The following CFHR2 variants were observed in gnomAD, a reference collection of about 807,000 sequenced individuals.
CFHR2 encodes the protein complement factor H-related protein 2.
In CFHR2, 22 loss-of-function variants were observed where a neutral mutation model predicts 21.7. The observed-to-expected ratio is 1.01, with a 90% CI of 0.72 to 1.45. CFHR2 has a LOEUF of 1.45. CFHR2 is among the 40% of genes most tolerant of loss of function. The pLI, the probability that CFHR2 is intolerant of heterozygous loss-of-function variation, is 0.00. For missense variants in CFHR2, 294 were observed against 293.3 expected (o/e 1.00, Z -0.02); for synonymous variants, 98 against 97.4 (o/e 1.01, Z -0.04).
chr1:196,949,092 CA>C (rs1659626770), intron 1 of CFHR2, among the ~76,000 whole-genome samples: 1 of 152,154 alleles, frequency 6.6e-6, no homozygotes, highest in Non-Finnish European at 1.5e-5. Flanking sequence ...GAGCTAAGAA[CA>C]ACCCTGTCAC....
chr1:196,956,568 C>T (rs1039818742), intron 3 of CFHR2, among the ~76,000 whole-genome samples: 1 of 152,140 alleles, frequency 6.6e-6, no homozygotes, highest in African/African-American at 2.4e-5. Flanking sequence ...TATTTTCAGA[C>T]TGGGTAATTA....
chr1:196,949,912 C>A (rs1659661879), intron 2 of CFHR2, among the ~76,000 whole-genome samples: 1 of 152,188 alleles, frequency 6.6e-6, no homozygotes, highest in African/African-American at 2.4e-5. Flanking sequence ...TATTTGACTG[C>A]TAATATTTCT....
chr1:196,946,482 G>C (rs889444826), intron 1 of CFHR2, among the ~76,000 whole-genome samples: 2 of 152,024 alleles, frequency 1.3e-5, no homozygotes, highest in African/African-American at 4.8e-5. Context: ...ACATTGTAGA[G>C]ATGTACAAAA....
At chr1:196,945,807 T>C (rs1387950597) in intron 1 of CFHR2, among the ~76,000 whole-genome samples, 4 of 150,432 alleles carry the variant, frequency 2.7e-5, no homozygotes, top group Non-Finnish European at 5.9e-5. Flanking sequence ...TGTGTGTGTA[T>C]AAACAGTCAT....
chr1:196,946,535 A>G (rs527420915), intron 1 of CFHR2, among the ~76,000 whole-genome samples: 1 of 152,230 alleles, frequency 6.6e-6, no homozygotes, highest in African/African-American at 2.4e-5. Context: ...TTTATCTTTT[A>G]AATATTTTAC....
At chr1:196,946,618 G>C (rs565211454) in intron 1 of CFHR2, among the ~76,000 whole-genome samples, 2 of 152,178 alleles carry the variant, frequency 1.3e-5, no homozygotes, top group Admixed American at 1.3e-4. Context: ...GCCTACAAAG[G>C]GTTAGGATCA....
At chr1:196,954,970 G>T (rs1245424812) in intron 3 of CFHR2, among the ~76,000 whole-genome samples, 2 of 152,224 alleles carry the variant, frequency 1.3e-5, no homozygotes, top group Admixed American at 1.3e-4. Flanking sequence ...TTTCCCCATT[G>T]TCTTAGGCTA....
intron 3 of CFHR2, among the ~76,000 whole-genome samples, chr1:196,953,939 T>A (rs1485940009): frequency 1.3e-5 from 2 of 152,158 alleles, no homozygotes; most frequent in Non-Finnish European, 2.9e-5. Context: ...TAACCATTAA[T>A]GAAAGATGAT....
chr1:196,953,014 A>G (rs1469457153), intron 3 of CFHR2, among the ~76,000 whole-genome samples: 2 of 152,166 alleles, frequency 1.3e-5, no homozygotes, highest in Non-Finnish European at 2.9e-5. Flanking sequence ...TCCAAGGTTG[A>G]ATGGTAGCTC....
intron 3 of CFHR2, among the ~76,000 whole-genome samples, chr1:196,955,780 GA>G (rs1324987933): frequency 6.6e-6 from 1 of 152,134 alleles, no homozygotes; most frequent in Non-Finnish European, 1.5e-5. Context: ...TGGGGAAGCA[GA>G]GGCTGCAGTG....
intron 3 of CFHR2, among the ~76,000 whole-genome samples, chr1:196,954,645 CA>C (rs1476897320): frequency 6.6e-6 from 1 of 151,372 alleles, no homozygotes; most frequent in African/African-American, 2.4e-5. Flanking sequence ...CATACAACCT[CA>C]GAAATCCAGG....
intron 3 of CFHR2, 33 bp downstream of exon 3, chr1:196,951,061 ATAT>A (rs767026519): frequency 2.5e-6 from 4 of 1,611,374 alleles, no homozygotes; most frequent in Non-Finnish European, 3.4e-6. Flanking sequence ...AGATGCTGTT[ATAT>A]TATAAAGTGT....
intron 3 of CFHR2, among the ~76,000 whole-genome samples, chr1:196,953,900 C>T (rs1652756678): frequency 6.6e-6 from 1 of 151,838 alleles, no homozygotes; most frequent in African/African-American, 2.4e-5. Flanking sequence ...ATGTAGTTTA[C>T]ATAAGAATTA....
intron 3 of CFHR2, among the ~76,000 whole-genome samples, chr1:196,954,297 A>G (rs1262649815): frequency 2.6e-5 from 4 of 152,214 alleles, no homozygotes; most frequent in Admixed American, 6.5e-5. Context: ...CTCGTCTCAC[A>G]TCCAGGACAC....
chr1:196,958,285 A>C (rs1652975599), intron 4 of CFHR2, among the ~76,000 whole-genome samples: 1 of 152,032 alleles, frequency 6.6e-6, no homozygotes, highest in Non-Finnish European at 1.5e-5. Flanking sequence ...AAATAAAAAG[A>C]ATACATATTT....
chr1:196,949,928 A>G (rs1023105995), intron 2 of CFHR2, among the ~76,000 whole-genome samples: 1 of 152,246 alleles, frequency 6.6e-6, no homozygotes, highest in Non-Finnish European at 1.5e-5. Flanking sequence ...TTTCTTTACT[A>G]ATATTCATTT....
rs375164259 is a variant in CFHR2 at position 196,951,037 on chromosome 1, A to T, written c.430+9A>T. The T allele has an allele frequency of 2.5e-6, 4 of 1,613,956 alleles. No homozygotes were observed. In the South Asian group the frequency reaches 4.4e-5, roughly 18 times the overall value. On this transcript the variant is annotated intron_variant, in intron 3 of 4. Coordinates refer to ENST00000367415, the MANE Select transcript of CFHR2 (RefSeq NM_005666.4). ...CAAATGCAGGTCCACTAGTAAGTGCAATGTTGTTCTCTCAGATGCTGTTAT... is the reference window on the plus strand; with the variant it reads ...CAAATGCAGGTCCACTAGTAAGTGCTATGTTGTTCTCTCAGATGCTGTTAT...
intron 3 of CFHR2, among the ~76,000 whole-genome samples, chr1:196,957,192 A>G (rs188988993): frequency 1.7e-3 from 253 of 152,228 alleles, no homozygotes; most frequent in African/African-American, 5.8e-3. Flanking sequence ...TCATATCAAT[A>G]CTGGGTTGCA....
chr1:196,954,802 C>T (rs889773740), intron 3 of CFHR2, among the ~76,000 whole-genome samples: 22 of 152,336 alleles, frequency 1.4e-4, no homozygotes, highest in African/African-American at 5.1e-4. Flanking sequence ...CCCATTTAGC[C>T]ACGGCTGGAG....
Sources: gnomAD v4.1 joint callset for allele counts (sites outside exome capture counted in the v4.1 genomes callset) on GRCh38, gnomAD v4.1.1 for gene constraint, MANE v1.5 for transcripts, NCBI Gene and HGNC (gene_info 2026-07-23, HGNC 2026-07-21) for gene names.